KDM2B: variants seen among roughly 807,000 people sequenced by gnomAD.
KDM2B encodes lysine-specific demethylase 2B.
KDM2B carries 26 observed loss-of-function variants against 150.0 expected under a neutral mutation model. The observed-to-expected ratio is 0.17, with a 90% CI of 0.13 to 0.24. The LOEUF (loss-of-function observed/expected upper bound fraction) is 0.24, where lower values mean the gene tolerates loss of function less well. Ranked by LOEUF, KDM2B falls within the 10% of genes least tolerant of loss-of-function variation. The probability of loss-of-function intolerance (pLI) is 1.00; values close to 1 mark genes in which losing one functional copy is unlikely to be tolerated. For missense variants in KDM2B, 1,265 were observed against 1,816.9 expected (o/e 0.70, Z 5.52); for synonymous variants, 734 against 729.5 (o/e 1.01, Z -0.10).
chr12:121,483,835 C>G (rs1882440832), intron 12 of KDM2B, among the ~76,000 whole-genome samples: 1 of 151,986 alleles, frequency 6.6e-6, no homozygotes, highest in Non-Finnish European at 1.5e-5. Context: ...GCACCAAGGC[C>G]CCCTCACACT....
chr12:121,518,912 C>A lies in KDM2B; in HGVS notation c.1047+2073G>T, dbSNP rs1190203860. ...GCATTGACCCAGACTGTGAGGTGACCGCTTGTATCCAAACAGTGCCTTTCT... is the reference window on the plus strand; with the variant it reads ...GCATTGACCCAGACTGTGAGGTGACAGCTTGTATCCAAACAGTGCCTTTCT... On this transcript the variant is annotated intron_variant, in intron 9 of 22. Transcript: ENST00000377071. The surrounding 1 kb of genome is among the most constrained non-coding windows in gnomAD (Gnocchi z 4.4). 6.6e-6 allele frequency among the ~76,000 whole-genome samples: 1 copy of A among 152,154 alleles called. No homozygotes were observed. The highest frequency in any genetic ancestry group is 2.4e-5 in the African/African-American group (1 of 41,412).
intron 1 of KDM2B, 103 bp from the exon 2 acceptor site, chr12:121,579,049 CT>C (rs1891731012): frequency 1.6e-6 from 2 of 1,287,342 alleles, no homozygotes; most frequent in Admixed American, 2.1e-5. Context: ...CGAGCGCCCC[CT>C]GCACCCCACC....
At chr12:121,563,654 C>T (rs1269130465) in intron 4 of KDM2B, among the ~76,000 whole-genome samples, 4 of 151,746 alleles carry the variant, frequency 2.6e-5, no homozygotes, top group Non-Finnish European at 5.9e-5. Flanking sequence ...CACAGTGGCT[C>T]ACGCCTGTAA....
intron 12 of KDM2B, among the ~76,000 whole-genome samples, chr12:121,472,866 C>G (rs1383786016): frequency 6.6e-6 from 1 of 152,114 alleles, no homozygotes; most frequent in Non-Finnish European, 1.5e-5. Flanking sequence ...ACATGAGAAG[C>G]TAAATATATG....
At chr12:121,462,070 A>G (rs1555293843) in intron 12 of KDM2B, among the ~76,000 whole-genome samples, 1 of 152,276 alleles carries the variant, frequency 6.6e-6, no homozygotes, top group Non-Finnish European at 1.5e-5. Flanking sequence ...GTTTTCTGCC[A>G]AAGTACTCCA....
rs1877725299 is a variant in KDM2B at position 121,453,683 on chromosome 12, A to G, written c.1735-339T>C. 6.6e-6 allele frequency among the ~76,000 whole-genome samples: 1 copy of G among 152,058 alleles called. No homozygotes were observed. Among genetic ancestry groups the G allele is most frequent in the Non-Finnish European group, 1.5e-5 (1 of 67,978 alleles). On this transcript the variant is annotated intron_variant, in intron 12 of 22. Coordinates refer to ENST00000377071, the MANE Select transcript of KDM2B (RefSeq NM_032590.5). This position sits in a 1 kb window ranked among gnomAD's most constrained non-coding sequence, Gnocchi z 6.4. ...GTCTACAAGCCAAGAAGTGCCAAGG[A>G]TGGCAGCACATACCAGGAGCTGGAG...
At chr12:121,418,942 G>A in the KDM2B span, among the ~76,000 whole-genome samples, 1 of 152,140 alleles carries the variant, frequency 6.6e-6, no homozygotes, top group African/African-American at 2.4e-5. Flanking sequence ...CCTGACCTCA[G>A]GTTATCTACC....
chr12:121,423,462 T>C, the KDM2B span: 6 of 1,613,768 alleles, frequency 3.7e-6, no homozygotes, highest in Non-Finnish European at 5.1e-6. The surrounding 1 kb of genome is among the most constrained non-coding windows in gnomAD (Gnocchi z 4.3). Context: ...TCATCGACTG[T>C]GTCCTACTGG....
chr12:121,566,088 T>G (rs1890689026), intron 4 of KDM2B, among the ~76,000 whole-genome samples: 1 of 152,134 alleles, frequency 6.6e-6, no homozygotes, highest in South Asian at 2.1e-4. Flanking sequence ...ATAAGGCTTT[T>G]TGAGAAAAAC....
At chr12:121,447,007 A>G (rs1876386831) in intron 13 of KDM2B, among the ~76,000 whole-genome samples, 1 of 152,266 alleles carries the variant, frequency 6.6e-6, no homozygotes, top group South Asian at 2.1e-4. Flanking sequence ...TCAATGTAAC[A>G]GTGTGAACAG....
intron 11 of KDM2B, among the ~76,000 whole-genome samples, chr12:121,509,157 C>T (rs1286869025): frequency 3.3e-5 from 5 of 152,154 alleles, no homozygotes; most frequent in African/African-American, 9.7e-5. Context: ...CTCCCAGGTT[C>T]GAGCAATTCT....
Position 121,520,413 on chromosome 12 carries a change from C to A in KDM2B, c.1047+572G>T, listed in dbSNP as rs1256235035. Among the ~76,000 whole-genome samples, 1 of 152,058 alleles carries A rather than the reference C, an allele frequency of 6.6e-6. No homozygotes were observed. Among genetic ancestry groups the A allele is most frequent in the Non-Finnish European group, 1.5e-5 (1 of 67,994 alleles). On this transcript the variant is annotated intron_variant, in intron 9 of 22. Transcript: ENST00000377071. This position sits in a 1 kb window ranked among gnomAD's most constrained non-coding sequence, Gnocchi z 4.5. ...TGACGTCTGGGAAACTAGCACCGTC[C>A]CTGTCAAGGGCAGAGAAAAGCCTCG...
the KDM2B span, among the ~76,000 whole-genome samples, chr12:121,417,083 G>T: frequency 6.6e-6 from 1 of 152,202 alleles, no homozygotes; most frequent in African/African-American, 2.4e-5. The surrounding 1 kb of genome is among the most constrained non-coding windows in gnomAD (Gnocchi z 5.0). Context: ...TGAGAGATCA[G>T]TTGCCTTTCT....
In KDM2B at chr12:121,444,507, G is replaced by A. The variant is rs371581440; in HGVS notation, c.2133C>T (p.Asp711=). The A allele has an allele frequency of 3.2e-5, 51 of 1,614,018 alleles. No individual in the cohort carries two copies. Among genetic ancestry groups the A allele is most frequent in the African/African-American group, 5.3e-5 (4 of 74,922 alleles). ...KIKESEGVVN[D]ELPNCWECPK... ...GACACTCCCAGCAGTTTGGAAGCTC[G>A]TCGTTGACCACACCCTCTGACTCCT... Residue 711 remains aspartate (D), a synonymous_variant, in exon 15 of 23, where the codon GAC becomes GAT. Coordinates refer to ENST00000377071, the MANE Select transcript of KDM2B (RefSeq NM_032590.5).
chr12:121,412,724 C>CTT, the KDM2B span, among the ~76,000 whole-genome samples: 2,635 of 121,854 alleles, frequency 0.022, 145 homozygotes, highest in African/African-American at 0.079. Context: ...GATGTTCATG[C>CTT]TTTTTTTTTT....
chr12:121,508,375 C>G (rs782399037), intron 11 of KDM2B, among the ~76,000 whole-genome samples: 1 of 152,170 alleles, frequency 6.6e-6, no homozygotes, highest in Admixed American at 6.5e-5. Context: ...CCTGAGCCAC[C>G]GTGCCTGGCC....
intron 11 of KDM2B, among the ~76,000 whole-genome samples, chr12:121,497,015 CTT>C (rs147588709): frequency 5.6e-5 from 8 of 142,512 alleles, no homozygotes; most frequent in Admixed American, 7.1e-5. Context: ...CATGATTTTT[CTT>C]TTTTTTTTTT....
rs1566243317 is a variant in KDM2B, at chr12:121,430,044, T to C, written c.*244A>G. ...CCTCTCCGACAGGAATGTCTTCTTGTAAAGGCCGCCTTAGAAATGGTCCAG... is the reference window on the plus strand; with the variant it reads ...CCTCTCCGACAGGAATGTCTTCTTGCAAAGGCCGCCTTAGAAATGGTCCAG... On this transcript the variant is annotated 3_prime_UTR_variant, in exon 23 of 23. Coordinates refer to ENST00000377071, the MANE Select transcript of KDM2B (RefSeq NM_032590.5). This position sits in a 1 kb window ranked among gnomAD's most constrained non-coding sequence, Gnocchi z 4.4. The C allele has an allele frequency of 7.5e-7, 1 of 1,330,990 alleles. No individual in the cohort carries two copies. The highest frequency in any genetic ancestry group is 2.3e-5 in the East Asian group (1 of 43,542). 82.4% of individuals were successfully genotyped at this position (1,330,990 alleles called of 1,614,324 possible).
At chr12:121,509,170 T>C (rs782609989) in intron 11 of KDM2B, among the ~76,000 whole-genome samples, 17 of 152,074 alleles carry the variant, frequency 1.1e-4, no homozygotes, top group Non-Finnish European at 2.5e-4. Flanking sequence ...GCAATTCTTC[T>C]GCCTCAGCCT....
Sources: allele counts gnomAD v4.1 joint callset (sites outside exome capture counted in the v4.1 genomes callset), GRCh38; gene constraint gnomAD v4.1.1; non-coding constraint Gnocchi (gnomAD v3.1); transcripts MANE v1.5; gene names NCBI Gene and HGNC (gene_info 2026-07-23, HGNC 2026-07-21).